Variants in PRR16 observed in about 807,000 individuals in gnomAD.
PRR16 encodes the protein proline rich 16, also known as protein Largen.
A neutral mutation model predicts 18.2 loss-of-function variants in PRR16; 6 were observed. The ratio of observed to expected loss-of-function variants is 0.33; its 90% CI spans 0.18 to 0.65. PRR16 has a LOEUF of 0.65. Ranked by LOEUF, PRR16 falls within the 30% of genes least tolerant of loss-of-function variation. PRR16 has a pLI of 0.74. For missense variants in PRR16, 412 were observed against 376.6 expected (o/e 1.09, Z -0.78); for synonymous variants, 151 against 147.8 (o/e 1.02, Z -0.16).
the PRR16 span, among the ~76,000 whole-genome samples, chr5:120,741,962 GTCTT>G: frequency 1.3e-5 from 2 of 151,980 alleles, no homozygotes; most frequent in African/African-American, 4.8e-5. Flanking sequence ...TTTGCCAAGT[GTCTT>G]TCTTTTTAAT....
intron 1 of PRR16, among the ~76,000 whole-genome samples, chr5:120,562,051 G>C (rs992234404): frequency 2.0e-5 from 3 of 152,094 alleles, no homozygotes; most frequent in African/African-American, 7.2e-5. Flanking sequence ...CTGTCTGGGA[G>C]ATCTGTTCAA....
chr5:120,615,983 T>C (rs551154142), intron 1 of PRR16, among the ~76,000 whole-genome samples: 3 of 152,194 alleles, frequency 2.0e-5, no homozygotes, highest in Non-Finnish European at 4.4e-5. Context: ...ATTCAAGTTA[T>C]TGTTGATGAA....
Position 120,464,543 on chromosome 5 carries a change from G to C in PRR16, c.57G>C (p.Pro19=). ...PSSSCPAEGP[P]AASKTKVKEQ... ...CGTCCTGTCCAGCCGAGGGACCGCC[G>C]GCAGCCTCCAAAACCAAGGTGAAGG... Residue 19 remains proline (P), a synonymous_variant, in exon 1 of 2, where the codon CCG becomes CCC. Coordinates refer to ENST00000407149, the MANE Select transcript of PRR16 (RefSeq NM_001300783.2). The C allele has an allele frequency of 6.3e-7, 1 of 1,591,706 alleles. No homozygotes were observed. Among genetic ancestry groups the C allele is most frequent in the Non-Finnish European group, 8.5e-7 (1 of 1,177,110 alleles).
At chr5:120,584,608 T>C (rs1753378823) in intron 1 of PRR16, among the ~76,000 whole-genome samples, 5 of 152,206 alleles carry the variant, frequency 3.3e-5, no homozygotes, top group Admixed American at 3.3e-4. Flanking sequence ...ATCATTTTTT[T>C]AGATAGGCAC....
chr5:120,758,968 T>A, the PRR16 span, among the ~76,000 whole-genome samples: 1,819 of 137,390 alleles, frequency 0.013, 39 homozygotes, highest in African/African-American at 0.043. Context: ...TTTTGTACCA[T>A]AATTTCTTTT....
At chr5:120,531,654 T>C (rs537303187) in intron 1 of PRR16, 102 of 152,250 alleles carry the variant, frequency 6.7e-4, no homozygotes, top group Middle Eastern at 3.4e-3. Flanking sequence ...TTTAGGTAGC[T>C]TTGTTTTTGA....
At chr5:120,702,642 G>A in the PRR16 span, among the ~76,000 whole-genome samples, 1 of 152,312 alleles carries the variant, frequency 6.6e-6, no homozygotes, top group African/African-American at 2.4e-5. Flanking sequence ...TTCCCAGTCC[G>A]TGACCGGCGC....
At chr5:120,786,088 GTT>G in the PRR16 span, among the ~76,000 whole-genome samples, 1 of 136,804 alleles carries the variant, frequency 7.3e-6, no homozygotes. Context: ...GAAAGCTTTT[GTT>G]TTTTTTTTTT....
intron 1 of PRR16, among the ~76,000 whole-genome samples, chr5:120,616,348 C>G (rs1754510290): frequency 6.6e-6 from 1 of 152,186 alleles, no homozygotes; most frequent in Non-Finnish European, 1.5e-5. Flanking sequence ...TGCAGCCTCA[C>G]AGGCCAAGCT....
At chr5:120,493,359 T>C (rs1295271600) in intron 1 of PRR16, among the ~76,000 whole-genome samples, 9 of 152,228 alleles carry the variant, frequency 5.9e-5, no homozygotes, top group African/African-American at 2.2e-4. Context: ...TAATCTTTTT[T>C]TGAGAAATGT....
chr5:120,784,441 A>T, the PRR16 span, among the ~76,000 whole-genome samples: 5 of 152,152 alleles, frequency 3.3e-5, no homozygotes. Context: ...TTTAATTTGC[A>T]TTTCTCTGAT....
At chr5:120,721,355 A>C in the PRR16 span, among the ~76,000 whole-genome samples, 3 of 152,056 alleles carry the variant, frequency 2.0e-5, no homozygotes, top group Non-Finnish European at 1.5e-5. Flanking sequence ...AAATATGTAT[A>C]GATCAAGGTG....
In PRR16 at chr5:120,609,813, A is replaced by G. The variant is rs185919268; in HGVS notation, c.160-76141A>G. Among the ~76,000 whole-genome samples the G allele has an allele frequency of 7.3e-3, 1,114 of 152,322 alleles. 4 individuals carry two copies. Among genetic ancestry groups the G allele is most frequent in the Non-Finnish European group, 0.013 (893 of 68,022 alleles). On this transcript the variant is annotated intron_variant, in intron 1 of 1. Transcript: ENST00000407149. ...ATTTCTCTGGACTGTTTCTGGAATA[A>G]TAATAGTCTAAACTTCAAGGAAAGC... is the stretch of plus-strand genomic sequence containing the variant.
chr5:120,495,715 T>C (rs1232791390), intron 1 of PRR16, among the ~76,000 whole-genome samples: 1 of 152,064 alleles, frequency 6.6e-6, no homozygotes, highest in African/African-American at 2.4e-5. Flanking sequence ...CTGTGACTTT[T>C]CTATTATTTA....
At chr5:120,666,692 C>T (rs1370159918) in intron 1 of PRR16, among the ~76,000 whole-genome samples, 1 of 148,388 alleles carries the variant, frequency 6.7e-6, no homozygotes, top group Admixed American at 6.7e-5. Flanking sequence ...TTGTCAAAGG[C>T]CTTTTCTGCA....
chr5:120,654,203 G>C (rs1287167254), intron 1 of PRR16, among the ~76,000 whole-genome samples: 2 of 152,126 alleles, frequency 1.3e-5, no homozygotes, highest in East Asian at 1.9e-4. Context: ...ATGGCTGCAA[G>C]TCATCTTGGA....
chr5:120,497,996 TG>T (rs1750316421), intron 1 of PRR16, among the ~76,000 whole-genome samples: 1 of 151,496 alleles, frequency 6.6e-6, no homozygotes, highest in Admixed American at 6.6e-5. Flanking sequence ...CTCTTTTAAT[TG>T]ATGTATTTAG....
chr5:120,792,301 G>A, the PRR16 span, among the ~76,000 whole-genome samples: 5 of 152,170 alleles, frequency 3.3e-5, no homozygotes, highest in African/African-American at 1.2e-4. Context: ...TATAAAGTGA[G>A]TTAGAGACTG....
the PRR16 span, among the ~76,000 whole-genome samples, chr5:120,749,347 T>A: frequency 6.6e-6 from 1 of 152,078 alleles, no homozygotes; most frequent in Non-Finnish European, 1.5e-5. Flanking sequence ...AAAATTGTTA[T>A]GTTAGGAGTT....
Sources: gnomAD v4.1 joint callset for allele counts (sites outside exome capture counted in the v4.1 genomes callset) on GRCh38, gnomAD v4.1.1 for gene constraint, MANE v1.5 for transcripts, NCBI Gene and HGNC (gene_info 2026-07-23, HGNC 2026-07-21) for gene names.